AK5: variants seen among roughly 807,000 people sequenced by gnomAD.
AK5 encodes adenylate kinase 5.
AK5 carries 27 observed loss-of-function variants against 69.5 expected under a neutral mutation model. The ratio of observed to expected loss-of-function variants is 0.39; its 90% CI spans 0.29 to 0.54. AK5 has a LOEUF of 0.54. Ranked by LOEUF, AK5 falls within the 20% of genes least tolerant of loss-of-function variation. AK5 has a pLI of 0.71. For synonymous variants in AK5, 260 were observed against 244.4 expected (o/e 1.06, Z -0.60); for missense variants, 531 against 700.4 (o/e 0.76, Z 2.73).
chr1:77,364,782 T>C (rs956426239), intron 6 of AK5, among the ~76,000 whole-genome samples: 1 of 152,226 alleles, frequency 6.6e-6, no homozygotes, highest in Admixed American at 6.5e-5. Flanking sequence ...TTGATGAACA[T>C]AGGTTGATTC....
At chr1:77,522,314 C>T (rs1433090627) in intron 12 of AK5, among the ~76,000 whole-genome samples, 2 of 152,132 alleles carry the variant, frequency 1.3e-5, no homozygotes, top group African/African-American at 4.8e-5. Context: ...CAGCAAAAGA[C>T]CCAGAGTTGT....
At chr1:77,310,536 C>A (rs2799550) in intron 5 of AK5, among the ~76,000 whole-genome samples, 13 of 151,856 alleles carry the variant, frequency 8.6e-5, no homozygotes, top group African/African-American at 2.9e-4. Flanking sequence ...CTCGCAACCA[C>A]GCCCGGCTAA....
At chr1:77,441,987 G>C (rs868412569) in intron 8 of AK5, among the ~76,000 whole-genome samples, 4 of 152,276 alleles carry the variant, frequency 2.6e-5, no homozygotes, top group Middle Eastern at 3.4e-3. Context: ...TCTGCCCTGG[G>C]AGGCAGGGCA....
intron 12 of AK5, among the ~76,000 whole-genome samples, chr1:77,531,851 A>C (rs1424882458): frequency 1.9e-4 from 2 of 10,352 alleles, no homozygotes; most frequent in African/African-American, 4.2e-4. Context: ...GACCAGGGGG[A>C]GGTGGGGGGG....
chr1:77,514,618 G>C (rs890331633), intron 10 of AK5, among the ~76,000 whole-genome samples: 1 of 152,282 alleles, frequency 6.6e-6, no homozygotes, highest in Admixed American at 6.5e-5. Context: ...TGCGCCATTT[G>C]GCCAAAGAAT....
intron 10 of AK5, among the ~76,000 whole-genome samples, chr1:77,507,494 T>C (rs1657093488): frequency 6.6e-6 from 1 of 152,250 alleles, no homozygotes; most frequent in Admixed American, 6.5e-5. Context: ...ATCTGAGTAG[T>C]CTGCAATGAC....
intron 6 of AK5, among the ~76,000 whole-genome samples, chr1:77,351,347 A>G (rs1445594894): frequency 1.3e-5 from 2 of 152,166 alleles, no homozygotes; most frequent in African/African-American, 2.4e-5. Flanking sequence ...ATGAGCCATG[A>G]TTGCAGCACT....
chr1:77,378,758 AAAGGAGCTATT>A (rs1423202566), intron 6 of AK5, among the ~76,000 whole-genome samples: 1 of 152,256 alleles, frequency 6.6e-6, no homozygotes, highest in African/African-American at 2.4e-5. Context: ...CAGGGAAGAT[AAAGGAGCTATT>A]AAGGTAACAA....
intron 6 of AK5, among the ~76,000 whole-genome samples, chr1:77,365,972 G>T (rs1384941940): frequency 6.6e-6 from 1 of 152,042 alleles, no homozygotes; most frequent in Non-Finnish European, 1.5e-5. Flanking sequence ...TGGGCAATGG[G>T]TGCACCAGAA....
intron 12 of AK5, among the ~76,000 whole-genome samples, chr1:77,523,589 A>G (rs187795871): frequency 6.6e-6 from 1 of 152,356 alleles, no homozygotes; most frequent in East Asian, 1.9e-4. Flanking sequence ...GATGTTAAGT[A>G]CATTCATATT....
chr1:77,367,545 T>G, intron 6 of AK5, among the ~76,000 whole-genome samples: 2 of 16,760 alleles, frequency 1.2e-4, no homozygotes, highest in African/African-American at 1.4e-4. Context: ...CCCAGACTCA[T>G]TTATGTTATT....
chr1:77,342,901 C>T (rs1661729263), intron 6 of AK5, among the ~76,000 whole-genome samples: 2 of 150,548 alleles, frequency 1.3e-5, no homozygotes, highest in Admixed American at 1.3e-4. Flanking sequence ...TAAATATTTA[C>T]TGAAAACCAG....
intron 6 of AK5, among the ~76,000 whole-genome samples, chr1:77,364,270 A>G (rs2100445919): frequency 6.6e-6 from 1 of 152,266 alleles, no homozygotes; most frequent in South Asian, 2.1e-4. Context: ...AATTGTACAT[A>G]TTTATGGGGC....
chr1:77,317,168 C>T (rs1213952839), intron 5 of AK5, among the ~76,000 whole-genome samples: 1 of 152,066 alleles, frequency 6.6e-6, no homozygotes, highest in Non-Finnish European at 1.5e-5. Flanking sequence ...GGGAAGACTC[C>T]AACTGTTGAG....
At chr1:77,304,899 T>C (rs191369201) in intron 5 of AK5, among the ~76,000 whole-genome samples, 73 of 152,314 alleles carry the variant, frequency 4.8e-4, no homozygotes, top group South Asian at 2.3e-3. Flanking sequence ...TTTTAGTTTT[T>C]TGAGGAACCT....
intron 5 of AK5, among the ~76,000 whole-genome samples, chr1:77,329,716 A>T (rs1295043150): frequency 3.3e-5 from 5 of 152,214 alleles, no homozygotes; most frequent in Admixed American, 3.3e-4. Context: ...CACATGAAGA[A>T]TTCCTTTTAT....
chr1:77,443,100 A>T (rs1652430513), intron 8 of AK5, among the ~76,000 whole-genome samples: 1 of 152,192 alleles, frequency 6.6e-6, no homozygotes, highest in East Asian at 1.9e-4. Context: ...GATCTTCTGT[A>T]ATAATTAAAC....
chr1:77,297,840 A>G lies in AK5; in HGVS notation c.592A>G (p.Thr198Ala). The change falls in exon 5 of 14, where the codon ACA (threonine) becomes GCA (alanine). Residue 198 changes from threonine to alanine, a missense_variant. Thr to Ala is a moderately conservative substitution (Grantham distance 58). Transcript: ENST00000354567. Reference protein sequence around the residue: ...TTGELAPQETTITEIKQKLMQ... With the variant: ...TTGELAPQETAITEIKQKLMQ... The stretch of plus-strand genomic sequence containing the variant: ...TCCTTTCTGTTTATAAAAGGAAACA[A>G]CAATTACAGAGATAAAACAAAAATT... 1 of 1,609,794 alleles carries G rather than the reference A, an allele frequency of 6.2e-7. No individual in the cohort carries two copies. Among genetic ancestry groups the G allele is most frequent in the South Asian group, 1.1e-5 (1 of 89,572 alleles).
At chr1:77,470,658 C>A (rs1244249431) in intron 8 of AK5, among the ~76,000 whole-genome samples, 1 of 151,478 alleles carries the variant, frequency 6.6e-6, no homozygotes, top group Non-Finnish European at 1.5e-5. Context: ...TAGGTAAAAA[C>A]TCTGTTCAAT....
Sources: gnomAD v4.1 joint callset for allele counts (sites outside exome capture counted in the v4.1 genomes callset) on GRCh38, gnomAD v4.1.1 for gene constraint, MANE v1.5 for transcripts, NCBI Gene and HGNC (gene_info 2026-07-23, HGNC 2026-07-21) for gene names.